Variants in VPS13B observed in about 807,000 individuals in gnomAD.
VPS13B encodes the protein vacuolar protein sorting 13 homolog B.
VPS13B carries 285 observed loss-of-function variants against 426.4 expected under a neutral mutation model. The observed-to-expected ratio is 0.67, with a 90% CI of 0.61 to 0.74. VPS13B has a LOEUF of 0.74. VPS13B is among the 30% of genes least tolerant of loss of function. The pLI, the probability that VPS13B is intolerant of heterozygous loss-of-function variation, is 0.00. For missense variants in VPS13B, 4,537 were observed against 4,782.6 expected, an observed-to-expected ratio of 0.95 and a Z score of 1.51; for synonymous variants, 1,676 against 1,676.4, an observed-to-expected ratio of 1.00 and a Z score of 0.01.
At chr8:99,155,178 G>T (rs771009275) in intron 14 of VPS13B, among the ~76,000 whole-genome samples, 12 of 151,970 alleles carry the variant, frequency 7.9e-5, no homozygotes, top group Non-Finnish European at 1.3e-4. Context: ...CCAAAAGAAA[G>T]ATAGCATGGC....
Position 99,832,656 on chromosome 8 carries a change from T to C in VPS13B, c.9614+4T>C. Reference sequence around the variant, plus strand: ...GGGAAAATGGATTCTGTACCAGGTATTTTATGTTTATATAAATGTCTGTTC... The same window carrying C: ...GGGAAAATGGATTCTGTACCAGGTACTTTATGTTTATATAAATGTCTGTTC... On this transcript the variant is annotated splice_donor_region_variant and intron_variant, in intron 52 of 61. Transcript: ENST00000357162. 2 of 1,613,236 alleles carry C rather than the reference T, an allele frequency of 1.2e-6. No homozygotes were observed. Among genetic ancestry groups the C allele is most frequent in the African/African-American group, 1.3e-5 (1 of 75,006 alleles).
At chr8:99,251,075 G>A (rs1817482443) in intron 17 of VPS13B, among the ~76,000 whole-genome samples, 1 of 151,912 alleles carries the variant, frequency 6.6e-6, no homozygotes, top group Admixed American at 6.5e-5. Context: ...GATTCCTTGA[G>A]ATTTATACAT....
At chr8:99,069,810 T>C (rs1189410871) in intron 3 of VPS13B, among the ~76,000 whole-genome samples, 2 of 152,252 alleles carry the variant, frequency 1.3e-5, no homozygotes, top group Admixed American at 6.5e-5. Flanking sequence ...TAGTTTACTT[T>C]TAAAAATTCT....
chr8:99,068,550 T>C (rs774888382), intron 3 of VPS13B, among the ~76,000 whole-genome samples: 5 of 152,220 alleles, frequency 3.3e-5, no homozygotes, highest in Non-Finnish European at 7.3e-5. Flanking sequence ...TTGCACATAT[T>C]AGGCCGTTTT....
intron 33 of VPS13B, among the ~76,000 whole-genome samples, chr8:99,599,352 G>T (rs1441197909): frequency 6.6e-6 from 1 of 151,898 alleles, no homozygotes; most frequent in Non-Finnish European, 1.5e-5. Flanking sequence ...TTGAATAATT[G>T]TTTTTTCCTC....
intron 33 of VPS13B, among the ~76,000 whole-genome samples, chr8:99,640,289 GT>G (rs1025924065): frequency 2.0e-4 from 30 of 151,476 alleles, no homozygotes; most frequent in African/African-American, 7.0e-4. Context: ...TTTTGTTTTT[GT>G]TTTTGAGATA....
rs560471078 is a variant in VPS13B, at chr8:99,345,374, T to C, written c.2825-38834T>C. Among the ~76,000 whole-genome samples, 13 of 152,310 alleles carry C rather than the reference T, an allele frequency of 8.5e-5. No individual in the cohort carries two copies. The South Asian group carries it at 2.7e-3, about 32-fold the overall frequency. On this transcript the variant is annotated intron_variant, in intron 19 of 61. Coordinates refer to ENST00000357162, the MANE Select transcript of VPS13B (RefSeq NM_152564.5). Reference sequence around the variant, plus strand: ...TTCTATAAGGACCACATAGTAACTATTTTAGGCTTTGTAGGCCATACAGCC... The same window carrying C: ...TTCTATAAGGACCACATAGTAACTACTTTAGGCTTTGTAGGCCATACAGCC...
rs1438897057 is a variant in VPS13B, at chr8:99,850,284, TAC to T, written c.10061+1392_10061+1393del. ...ACATAAGTACGCATGTATGTACTTA[TAC>T]ATACATAAGTACGCATGTATGTACT... On this transcript the variant is annotated intron_variant, in intron 55 of 61. Coordinates refer to ENST00000357162, the MANE Select transcript of VPS13B (RefSeq NM_152564.5). Among the ~76,000 whole-genome samples, 980 of 132,662 alleles carry T rather than the reference TAC, an allele frequency of 7.4e-3. 170 individuals carry two copies. The highest frequency in any genetic ancestry group is 0.029 in the African/African-American group (930 of 31,902). 87.0% of individuals were successfully genotyped at this position (132,662 alleles called of 152,430 possible). A position where few individuals can be genotyped will look rare whatever the true frequency, so the allele number is the denominator to read the frequency against.
intron 44 of VPS13B, among the ~76,000 whole-genome samples, chr8:99,813,943 G>C (rs778572049): frequency 3.9e-4 from 60 of 152,196 alleles, no homozygotes; most frequent in Non-Finnish European, 2.8e-4. Context: ...AGACCAGCGT[G>C]GTCAACATAG....
At chr8:99,512,262 T>A (rs757782072) in intron 29 of VPS13B, among the ~76,000 whole-genome samples, 4 of 152,206 alleles carry the variant, frequency 2.6e-5, no homozygotes, top group Non-Finnish European at 5.9e-5. Context: ...CTTTCATCTG[T>A]TCAGATAGTT....
chr8:99,128,796 T>G (rs1809587977), intron 8 of VPS13B, among the ~76,000 whole-genome samples: 1 of 152,240 alleles, frequency 6.6e-6, no homozygotes, highest in Admixed American at 6.5e-5. Context: ...TTCTTTGTAT[T>G]AGTACTAAAG....
At chr8:99,122,293 G>T (rs1187020090) in intron 8 of VPS13B, among the ~76,000 whole-genome samples, 2 of 151,250 alleles carry the variant, frequency 1.3e-5, no homozygotes, top group Non-Finnish European at 2.9e-5. Context: ...ATAACTTGAC[G>T]ACTTCCTCCA....
chr8:99,352,012 T>C (rs1469968284), intron 19 of VPS13B, among the ~76,000 whole-genome samples: 2 of 152,208 alleles, frequency 1.3e-5, no homozygotes, highest in African/African-American at 4.8e-5. Context: ...TCAGTTTATC[T>C]TCATAAAGGT....
At chr8:99,115,437 GATT>G (rs1230468917) in intron 6 of VPS13B, among the ~76,000 whole-genome samples, 2 of 151,998 alleles carry the variant, frequency 1.3e-5, no homozygotes, top group Non-Finnish European at 2.9e-5. Flanking sequence ...AATCTAGTGT[GATT>G]ATACCTTCTC....
intron 19 of VPS13B, among the ~76,000 whole-genome samples, chr8:99,375,715 C>T (rs1813446959): frequency 6.6e-6 from 1 of 152,006 alleles, no homozygotes; most frequent in Non-Finnish European, 1.5e-5. Flanking sequence ...CAAAATTATC[C>T]AAATTATTCT....
intron 29 of VPS13B, among the ~76,000 whole-genome samples, chr8:99,517,608 G>C (rs1358579145): frequency 2.0e-5 from 3 of 152,064 alleles, no homozygotes; most frequent in Admixed American, 2.0e-4. Context: ...GTTACTATCA[G>C]GATTCTAAAT....
chr8:99,835,170 CT>C, intron 52 of VPS13B, 26 bp from the exon 53 acceptor site: 1 of 1,613,650 alleles, frequency 6.2e-7, no homozygotes, highest in South Asian at 1.1e-5. Context: ...CTAAACATTT[CT>C]GTCATTTGAC....
chr8:99,210,598 G>GA (rs1475196626), intron 17 of VPS13B, among the ~76,000 whole-genome samples: 2 of 151,964 alleles, frequency 1.3e-5, no homozygotes, highest in African/African-American at 2.4e-5. Context: ...ATAAGGTCTT[G>GA]AAAAATATAT....
At chr8:99,581,198 A>G (rs2133818930) in intron 33 of VPS13B, among the ~76,000 whole-genome samples, 1 of 152,214 alleles carries the variant, frequency 6.6e-6, no homozygotes. Flanking sequence ...AAAAAAGTAT[A>G]ATATGATAGG....
Sources: allele counts gnomAD v4.1 joint callset (sites outside exome capture counted in the v4.1 genomes callset), GRCh38; gene constraint gnomAD v4.1.1; transcripts MANE v1.5; gene names NCBI Gene and HGNC (gene_info 2026-07-23, HGNC 2026-07-21).